MARF1: variants seen among roughly 807,000 people sequenced by gnomAD.
MARF1 encodes limkain-b1.
Under a neutral mutation model 168.2 loss-of-function variants are expected in MARF1, and 24 were observed. The observed-to-expected ratio is 0.14, with a 90% CI of 0.10 to 0.20. The LOEUF is 0.20. Ranked by LOEUF, MARF1 falls within the 10% of genes least tolerant of loss-of-function variation. MARF1 has a pLI of 1.00. For synonymous variants in MARF1, 868 were observed against 822.4 expected (o/e 1.06, Z -0.95); for missense variants, 1,744 against 2,143.6 (o/e 0.81, Z 3.68).
At position 15,616,879 on chromosome 16, in the gene MARF1, T is replaced by C. The variant is rs960838876; in HGVS notation, c.3077+173A>G. On this transcript the variant is annotated intron_variant, in intron 15 of 26. Coordinates refer to ENST00000396368, the MANE Select transcript of MARF1 (RefSeq NM_014647.4). ...CCACTGTCCTATATACAGTCCATGG[T>C]TGGCCAAAATTTTGTTATGTGGTGC... 5 of 819,470 alleles carry C rather than the reference T, an allele frequency of 6.1e-6. No individual in the cohort carries two copies. In the Middle Eastern group the frequency reaches 1.3e-3, roughly 205 times the overall value. 50.8% of individuals were successfully genotyped at this position (819,470 alleles called of 1,614,324 possible). A position where few individuals can be genotyped will look rare whatever the true frequency, so the allele number is the denominator to read the frequency against.
chr16:15,609,675 C>T lies in MARF1; in HGVS notation c.3802G>A (p.Val1268Ile), dbSNP rs372638277. The T allele has an allele frequency of 6.8e-6, 11 of 1,614,106 alleles. No homozygotes were observed. Among genetic ancestry groups the T allele is most frequent in the South Asian group, 5.5e-5 (5 of 91,088 alleles). Residue 1268 changes from valine to isoleucine, a missense_variant, in exon 20 of 27, where the codon GTT becomes ATT. Physicochemically the swap from Val to Ile is conservative, Grantham distance 29 (BLOSUM62 3). Around this residue, in one of 7 missense-constraint regions of MARF1, gnomAD observed 543 missense variants for 742.1 expected, o/e 0.73. Coordinates refer to ENST00000396368, the MANE Select transcript of MARF1 (RefSeq NM_014647.4). ...TGGGGTTGGTGACGCAGCAAATCAA[C>T]GACATCCTTGGAGAACTGTTTTGTC... ...ERTKQFSKDVVDLLRHQPHFR... is the reference protein window; with the variant it reads ...ERTKQFSKDVIDLLRHQPHFR...
intron 4 of MARF1, among the ~76,000 whole-genome samples, chr16:15,634,264 A>G: frequency 6.6e-6 from 1 of 152,212 alleles, no homozygotes; most frequent in Admixed American, 6.5e-5. Context: ...CAAAGGGTGA[A>G]GCTGTTACTG....
At chr16:15,601,000 T>C (rs1319459336) in intron 23 of MARF1, 5 of 639,974 alleles carry the variant, frequency 7.8e-6, no homozygotes, top group Non-Finnish European at 1.4e-5. Flanking sequence ...TAAATTAAGG[T>C]AGTTCTCACA....
At chr16:15,601,353 TCTC>T (rs2032404418) in intron 23 of MARF1, 1 of 289,276 alleles carries the variant, frequency 3.5e-6, no homozygotes, top group South Asian at 3.4e-5. Flanking sequence ...CCAGTTCCCT[TCTC>T]CATGCCTGCT....
chr16:15,617,368 G>A lies in MARF1; in HGVS notation c.2888C>T (p.Pro963Leu). The A allele has an allele frequency of 6.2e-7, 1 of 1,614,094 alleles. No homozygotes were observed. The highest frequency in any genetic ancestry group is 8.5e-7 in the Non-Finnish European group (1 of 1,180,016). Residue 963 changes from proline to leucine, a missense_variant, in exon 14 of 27, where the codon CCA (proline) becomes CTA (leucine). Around this residue, in one of 7 missense-constraint regions of MARF1, gnomAD observed 543 missense variants for 742.1 expected, o/e 0.73. Transcript: ENST00000396368. ...SHDGSSTNCS[P>L]IIFEELEYHE... ...ATATTCTAACTCTTCAAATATAATT[G>A]GGCTGCAATTCGTGGAGGAGCCGTC...
intron 13 of MARF1, among the ~76,000 whole-genome samples, chr16:15,617,799 C>A (rs2034177321): frequency 6.6e-6 from 1 of 152,112 alleles, no homozygotes; most frequent in Non-Finnish European, 1.5e-5. Flanking sequence ...TTTAAGTGAC[C>A]TCACCAAATT....
At chr16:15,637,894 G>A (rs1179724209) in intron 2 of MARF1, among the ~76,000 whole-genome samples, 5 of 152,236 alleles carry the variant, frequency 3.3e-5, no homozygotes, top group Non-Finnish European at 2.9e-5. Flanking sequence ...CCGGCCAGGC[G>A]CGGTGGCTCA....
intron 5 of MARF1, 119 bp from the exon 6 acceptor site, chr16:15,631,617 T>G (rs1213663354): frequency 5.4e-6 from 3 of 552,574 alleles, no homozygotes; most frequent in East Asian, 3.5e-5. Flanking sequence ...GGGGTACATG[T>G]GCAGAACGTG....
intron 1 of MARF1, 88 bp downstream of exon 1, chr16:15,642,929 GA>G (rs890657011): frequency 9.9e-5 from 18 of 181,546 alleles, no homozygotes; most frequent in Non-Finnish European, 1.4e-4. Flanking sequence ...AATAGGCGGG[GA>G]AAGAGGGGAC....
At chr16:15,630,128 A>G (rs2035151447) in intron 7 of MARF1, 2 of 417,402 alleles carry the variant, frequency 4.8e-6, no homozygotes, top group Non-Finnish European at 4.2e-6. Flanking sequence ...ATATTTTGAA[A>G]TAAATAAAAG....
chr16:15,635,898 G>A lies in MARF1; in HGVS notation c.589C>T (p.Leu197Phe), dbSNP rs746481052. The A allele has an allele frequency of 1.5e-5, 24 of 1,614,058 alleles. No homozygotes were observed. The highest frequency in any genetic ancestry group is 1.6e-4 in the Middle Eastern group (1 of 6,084). ...TTACCATGACATGACTGGAAGTGGAGTTTTCCACAACAGGGCAGGTGTTTG... is the reference window on the plus strand; with the variant it reads ...TTACCATGACATGACTGGAAGTGGAATTTTCCACAACAGGGCAGGTGTTTG... ...SCKHLPCCGK[L>F]HFQSCHGNVH... Residue 197 changes from leucine (L) to phenylalanine (F), a missense_variant, in exon 3 of 27, where the codon CTC becomes TTC. Physicochemically the swap from Leu to Phe is conservative, Grantham distance 22 (BLOSUM62 0). Coordinates refer to ENST00000396368, the MANE Select transcript of MARF1 (RefSeq NM_014647.4).
At chr16:15,598,101 T>C (rs2031945196) in intron 26 of MARF1, among the ~76,000 whole-genome samples, 1 of 152,060 alleles carries the variant, frequency 6.6e-6, no homozygotes, top group Non-Finnish European at 1.5e-5. Context: ...GAGGGATCTG[T>C]ACAGGGCAGA....
intron 4 of MARF1, among the ~76,000 whole-genome samples, chr16:15,634,137 A>G (rs1362066299): frequency 1.3e-5 from 2 of 152,168 alleles, no homozygotes; most frequent in Non-Finnish European, 2.9e-5. Context: ...TTAAGCAGTG[A>G]TGCTTCTCTG....
chr16:15,598,625 T>C (rs1426307284), intron 26 of MARF1, among the ~76,000 whole-genome samples: 1 of 140,228 alleles, frequency 7.1e-6, no homozygotes, highest in Non-Finnish European at 1.6e-5. Context: ...CCACCAGCCC[T>C]CCAGAGCTGC....
Position 15,615,843 on chromosome 16 carries a change from CG to C in MARF1, c.3239del (p.Pro1080ArgfsTer16). On this transcript the variant is annotated frameshift_variant, in exon 16 of 27. Coordinates refer to ENST00000396368, the MANE Select transcript of MARF1 (RefSeq NM_014647.4). LOFTEE classifies it high-confidence loss of function. The part of the protein sequence containing the change: ...KVVKWIHNKP[P>X]PPNTDPWLLR... ...CCTGACACCTACCAGTGTTGGGAGG[CG>C]GGGGCTTGTTGTGAATCCATTTAAC... is the stretch of plus-strand genomic sequence containing the variant. 2.6e-6 allele frequency: 4 copies of C among 1,563,986 alleles called. No homozygotes were observed. Among genetic ancestry groups the C allele is most frequent in the Non-Finnish European group, 3.5e-6 (4 of 1,152,858 alleles).
intron 6 of MARF1, among the ~76,000 whole-genome samples, chr16:15,631,002 T>C (rs2035214718): frequency 6.6e-6 from 1 of 152,028 alleles, no homozygotes; most frequent in African/African-American, 2.4e-5. Flanking sequence ...TGGTGGAACA[T>C]GCCTGTAATC....
In MARF1 at chr16:15,612,577, C is replaced by A; in HGVS notation, c.3454G>T (p.Ala1152Ser). 2 of 1,614,120 alleles carry A rather than the reference C, an allele frequency of 1.2e-6. No homozygotes were observed. Among genetic ancestry groups the A allele is most frequent in the South Asian group, 2.2e-5 (2 of 91,072 alleles). Residue 1152 changes from alanine to serine, a missense_variant, in exon 17 of 27, where the codon GCA (alanine) becomes TCA (serine). Coordinates refer to ENST00000396368, the MANE Select transcript of MARF1 (RefSeq NM_014647.4). The part of the protein sequence containing the change: ...GYSKLIELLE[A>S]VPHVLQILGM... ...CTTACCTGCAATACATGAGGCACTG[C>A]TTCTAATAACTCAATCAGCTTGGAG...
At chr16:15,633,158 TA>T (rs71134442) in intron 5 of MARF1, among the ~76,000 whole-genome samples, 522 of 125,076 alleles carry the variant, frequency 4.2e-3, no homozygotes, top group African/African-American at 0.011. Flanking sequence ...ATCAGAATTC[TA>T]AAAAAAAAAA....
chr16:15,598,720 A>T (rs1183040805), intron 26 of MARF1, 134 bp downstream of exon 26: 3 of 889,564 alleles, frequency 3.4e-6, no homozygotes, highest in Non-Finnish European at 5.1e-6. Context: ...AAGAAGGTCG[A>T]ATAATCAGCA....
Sources: gnomAD v4.1 joint callset for allele counts (sites outside exome capture counted in the v4.1 genomes callset) on GRCh38, gnomAD v4.1.1 for gene constraint, gnomAD v4.1.1 regional missense constraint, MANE v1.5 for transcripts, NCBI Gene and HGNC (gene_info 2026-07-23, HGNC 2026-07-21) for gene names.